Variants in TRPC6 observed in about 807,000 individuals in gnomAD.
TRPC6 encodes the protein short transient receptor potential channel 6.
A neutral mutation model predicts 90.7 loss-of-function variants in TRPC6; 55 were observed. The ratio of observed to expected loss-of-function variants is 0.61; its 90% CI spans 0.49 to 0.76. The LOEUF is 0.76. Among genes scored for constraint, TRPC6 ranks in the 30% least tolerant of loss-of-function variants. The probability of loss-of-function intolerance (pLI) is 0.00; values close to 1 mark genes in which losing one functional copy is unlikely to be tolerated. For missense variants in TRPC6, 989 were observed against 1,122.7 expected, an observed-to-expected ratio of 0.88 and a Z score of 1.70; for synonymous variants, 393 against 393.0, an observed-to-expected ratio of 1.00 and a Z score of 0.00.
chr11:101,546,061 T>C (rs1861297615), intron 1 of TRPC6, among the ~76,000 whole-genome samples: 1 of 40,752 alleles, frequency 2.5e-5, no homozygotes, highest in African/African-American at 1.0e-4. Context: ...TTTTTTTTTT[T>C]TTTTTTTTTT....
chr11:101,532,880 A>T (rs1175829909), intron 1 of TRPC6, among the ~76,000 whole-genome samples: 1 of 152,188 alleles, frequency 6.6e-6, no homozygotes, highest in Admixed American at 6.5e-5. Flanking sequence ...ACTATGCGGC[A>T]GCCTCAGATC....
At chr11:101,536,323 G>A (rs760589217) in intron 1 of TRPC6, among the ~76,000 whole-genome samples, 4 of 151,710 alleles carry the variant, frequency 2.6e-5, no homozygotes, top group Non-Finnish European at 4.4e-5. Context: ...GGAGGCGGAG[G>A]TTGCAGTGAG....
chr11:101,496,084 G>C (rs553618836), intron 2 of TRPC6, among the ~76,000 whole-genome samples: 6 of 151,810 alleles, frequency 4.0e-5, no homozygotes, highest in African/African-American at 1.4e-4. Flanking sequence ...CAGCAGGAGA[G>C]AGAGAGAGAG....
intron 1 of TRPC6, among the ~76,000 whole-genome samples, chr11:101,564,417 T>C (rs527649713): frequency 1.3e-5 from 2 of 152,202 alleles, no homozygotes; most frequent in Non-Finnish European, 2.9e-5. Flanking sequence ...AGTGGCACTT[T>C]TATTTCTTCC....
At chr11:101,529,248 A>C (rs1860852914) in intron 1 of TRPC6, among the ~76,000 whole-genome samples, 1 of 152,180 alleles carries the variant, frequency 6.6e-6, no homozygotes, top group Non-Finnish European at 1.5e-5. Flanking sequence ...GGATGGGAGT[A>C]GGATAATGCA....
intron 1 of TRPC6, among the ~76,000 whole-genome samples, chr11:101,543,592 C>A (rs1861225604): frequency 6.6e-6 from 1 of 152,020 alleles, no homozygotes; most frequent in African/African-American, 2.4e-5. Flanking sequence ...CATCTGCAAC[C>A]ATCTGATCTT....
chr11:101,504,326 G>T lies in TRPC6; in HGVS notation c.643C>A (p.Arg215=), dbSNP rs768210838. 6.2e-7 allele frequency: 1 copy of T among 1,613,948 alleles called. No individual in the cohort carries two copies. The highest frequency in any genetic ancestry group is 1.3e-5 in the African/African-American group (1 of 75,028). Residue 215 remains arginine, a synonymous_variant, in exon 2 of 13, where the codon CGG becomes AGG. Transcript: ENST00000344327. ...DFYAYDEDGT[R]FSHDVTPIIL... is the part of the protein sequence containing the mutation. The stretch of plus-strand genomic sequence containing the variant: ...ATTGGAGTCACATCATGGGAGAACC[G>T]TGTCCCATCTTCATCATAGGCATAA...
At chr11:101,513,021 C>T (rs1465011313) in intron 1 of TRPC6, among the ~76,000 whole-genome samples, 1 of 152,284 alleles carries the variant, frequency 6.6e-6, no homozygotes, top group African/African-American at 2.4e-5. Context: ...CCATGAAGTG[C>T]CCACATCTAG....
chr11:101,532,980 C>T (rs1022673942), intron 1 of TRPC6, among the ~76,000 whole-genome samples: 2 of 152,168 alleles, frequency 1.3e-5, no homozygotes, highest in Non-Finnish European at 2.9e-5. Flanking sequence ...AACCTCAGAG[C>T]TGGCTGAGCT....
In TRPC6 at chr11:101,551,239, G is replaced by T. The variant is rs553222376; in HGVS notation, c.170+32095C>A. On this transcript the variant is annotated intron_variant, in intron 1 of 12. Coordinates refer to ENST00000344327, the MANE Select transcript of TRPC6 (RefSeq NM_004621.6). ...AACATTTAATCATTAAATACAGTCA[G>T]TGAAACTATTAAATGAATTCAAAGG... Among the ~76,000 whole-genome samples the T allele has an allele frequency of 1.2e-4, 19 of 152,042 alleles. 1 individual carries two copies. In the South Asian group the frequency reaches 3.5e-3, roughly 28 times the overall value.
intron 4 of TRPC6, among the ~76,000 whole-genome samples, chr11:101,486,022 A>T (rs1417819764): frequency 1.3e-5 from 2 of 152,016 alleles, no homozygotes; most frequent in African/African-American, 4.8e-5. Flanking sequence ...GTATCAATCC[A>T]GGCATCTTCT....
At chr11:101,568,061 C>G (rs1861876006) in intron 1 of TRPC6, among the ~76,000 whole-genome samples, 2 of 152,124 alleles carry the variant, frequency 1.3e-5, no homozygotes, top group South Asian at 4.1e-4. Context: ...TGGGTAATAA[C>G]AAACTCCTCA....
At position 101,500,033 on chromosome 11, in the gene TRPC6, GTA is replaced by G. The variant is rs71056616; in HGVS notation, c.945+3989_945+3990del. On this transcript the variant is annotated intron_variant, in intron 2 of 12. Transcript: ENST00000344327. The stretch of plus-strand genomic sequence containing the variant: ...TATATATATACGCAATATAAAATGT[GTA>G]TATATATACAATATAAAATATGTGT... 9.9e-5 allele frequency among the ~76,000 whole-genome samples: 4 copies of G among 40,586 alleles called. 2 individuals are homozygous for G. The highest frequency in any genetic ancestry group is 1.1e-3 in the South Asian group (2 of 1,874). The allele number at this position is 40,586 out of a possible 152,430, so 26.6% of individuals were successfully genotyped here. A position where few individuals can be genotyped will look rare whatever the true frequency, so the allele number is the denominator to read the frequency against.
At chr11:101,553,933 G>T (rs576824353) in intron 1 of TRPC6, among the ~76,000 whole-genome samples, 9 of 152,172 alleles carry the variant, frequency 5.9e-5, no homozygotes, top group African/African-American at 2.2e-4. Context: ...AGATGCCGTT[G>T]TAAGTGTTCA....
intron 4 of TRPC6, 107 bp from the exon 5 acceptor site, chr11:101,483,272 T>A: frequency 8.4e-7 from 1 of 1,192,222 alleles, no homozygotes; most frequent in South Asian, 1.3e-5. Flanking sequence ...AATGATCTCC[T>A]GAGATAATTG....
intron 1 of TRPC6, among the ~76,000 whole-genome samples, chr11:101,550,211 G>C (rs911857675): frequency 6.6e-6 from 1 of 151,464 alleles, no homozygotes; most frequent in Admixed American, 6.6e-5. Flanking sequence ...AAATCATCAT[G>C]TAATTAATTC....
chr11:101,544,751 G>T (rs1861258649), intron 1 of TRPC6, among the ~76,000 whole-genome samples: 1 of 152,078 alleles, frequency 6.6e-6, no homozygotes. Flanking sequence ...CTAGGGGAGG[G>T]ATAGCATTAG....
At chr11:101,559,773 A>G (rs1469434897) in intron 1 of TRPC6, among the ~76,000 whole-genome samples, 1 of 133,104 alleles carries the variant, frequency 7.5e-6, no homozygotes, top group Non-Finnish European at 1.6e-5. Context: ...TCCTAATGCT[A>G]TCCCTCCCCC....
chr11:101,513,186 C>G (rs1206292320), intron 1 of TRPC6, among the ~76,000 whole-genome samples: 1 of 152,220 alleles, frequency 6.6e-6, no homozygotes, highest in Non-Finnish European at 1.5e-5. Context: ...GATACTCTGA[C>G]CTCACTCTCC....
Sources: gnomAD v4.1 joint callset for allele counts (sites outside exome capture counted in the v4.1 genomes callset) on GRCh38, gnomAD v4.1.1 for gene constraint, MANE v1.5 for transcripts, NCBI Gene and HGNC (gene_info 2026-07-23, HGNC 2026-07-21) for gene names.